Variants in TEX15 observed in about 807,000 individuals in gnomAD.
TEX15 encodes the protein testis expressed 15, meiosis and synapsis associated.
In TEX15, 171 loss-of-function variants were observed where a neutral mutation model predicts 237.3. The ratio of observed to expected loss-of-function variants is 0.72; its 90% CI spans 0.64 to 0.82. TEX15 has a LOEUF of 0.82. Among genes scored for constraint, TEX15 ranks in the 40% least tolerant of loss-of-function variants. The probability of loss-of-function intolerance (pLI) is 0.00; values close to 1 mark genes in which losing one functional copy is unlikely to be tolerated. For missense variants in TEX15, 3,750 were observed against 3,646.5 expected (o/e 1.03, Z -0.73); for synonymous variants, 1,338 against 1,269.8 (o/e 1.05, Z -1.14).
intron 5 of TEX15, among the ~76,000 whole-genome samples, chr8:30,860,314 T>C (rs1808019220): frequency 6.6e-6 from 1 of 151,814 alleles, no homozygotes; most frequent in Non-Finnish European, 1.5e-5. Context: ...GGTTTCACCA[T>C]GTTGCCCAAG....
At chr8:30,891,578 C>G (rs1043109226) in intron 2 of TEX15, among the ~76,000 whole-genome samples, 8 of 151,722 alleles carry the variant, frequency 5.3e-5, no homozygotes, top group Admixed American at 1.3e-4. Context: ...CTCCTGGGTT[C>G]AAGCGATTCT....
intron 2 of TEX15, among the ~76,000 whole-genome samples, chr8:30,895,882 T>C (rs1006638532): frequency 4.6e-5 from 7 of 151,990 alleles, no homozygotes; most frequent in Non-Finnish European, 7.4e-5. Context: ...GGTTTCACCA[T>C]GTTGGCCAGG....
At chr8:30,878,355 G>A (rs1808444159) in intron 3 of TEX15, among the ~76,000 whole-genome samples, 1 of 151,938 alleles carries the variant, frequency 6.6e-6, no homozygotes, top group East Asian at 1.9e-4. Context: ...GGGAAGGACG[G>A]CTGGATCATA....
intron 2 of TEX15, among the ~76,000 whole-genome samples, chr8:30,891,964 A>G (rs1457575384): frequency 6.6e-6 from 1 of 152,148 alleles, no homozygotes; most frequent in Non-Finnish European, 1.5e-5. Flanking sequence ...ACTTTTAAAA[A>G]TTGTATTTTC....
At chr8:30,901,082 G>C (rs918827561) in intron 1 of TEX15, among the ~76,000 whole-genome samples, 4 of 152,164 alleles carry the variant, frequency 2.6e-5, no homozygotes, top group Admixed American at 2.0e-4. Context: ...AGGCTGCAAT[G>C]AGCTGTGTTT....
intron 3 of TEX15, chr8:30,886,923 C>A (rs982548027): frequency 1.2e-5 from 4 of 322,892 alleles, no homozygotes; most frequent in Non-Finnish European, 2.2e-5. Flanking sequence ...TCTCCAGTTT[C>A]GAAAGTCTTT....
At chr8:30,905,095 A>G (rs2128779754) in intron 1 of TEX15, among the ~76,000 whole-genome samples, 1 of 152,290 alleles carries the variant, frequency 6.6e-6, no homozygotes, top group East Asian at 1.9e-4. Context: ...ATGAATTTTA[A>G]TATAACTTGT....
Position 30,848,539 on chromosome 8 carries a change from G to A in TEX15, c.1628C>T (p.Ser543Phe), listed in dbSNP as rs772305020. 3.7e-6 allele frequency: 6 copies of A among 1,614,120 alleles called. No homozygotes were observed. In the South Asian group the frequency reaches 6.6e-5, roughly 18 times the overall value. Reference protein sequence around the residue: ...KDQGNFSFPISVSNVVSEVEN... With the variant: ...KDQGNFSFPIFVSNVVSEVEN... ...AACCTCTGACACTACATTTGACACA[G>A]AAATTGGGAAGGAAAAATTACCTTG... The change falls in exon 8 of 11, where the codon TCT (serine) becomes TTT (phenylalanine). Residue 543 changes from serine to phenylalanine, a missense_variant. Transcript: ENST00000643185.
chr8:30,850,745 T>C (rs1488657047), intron 7 of TEX15, among the ~76,000 whole-genome samples: 1 of 152,160 alleles, frequency 6.6e-6, no homozygotes, highest in Non-Finnish European at 1.5e-5. Context: ...TTTTATAATC[T>C]TGGCATAGGA....
intron 4 of TEX15, among the ~76,000 whole-genome samples, chr8:30,867,983 T>C (rs954160627): frequency 2.0e-5 from 3 of 152,092 alleles, no homozygotes; most frequent in African/African-American, 4.8e-5. Flanking sequence ...AATTGTGTTA[T>C]GGAGGGAAAA....
chr8:30,835,247 G>C (rs1002916805), intron 10 of TEX15, among the ~76,000 whole-genome samples: 3 of 152,062 alleles, frequency 2.0e-5, no homozygotes, highest in African/African-American at 7.2e-5. Flanking sequence ...TGGGATTACA[G>C]GTGTGTACTA....
In TEX15 at chr8:30,847,842, T is replaced by C. The variant is rs1488106861; in HGVS notation, c.2325A>G (p.Lys775=). Residue 775 remains lysine (K), a synonymous_variant, in exon 8 of 11, where the codon AAA becomes AAG. Transcript: ENST00000643185. ...AAATAACTGTATCAATGAACATTTC[T>C]TTGGCCTGGGGTATGTCTTTTGGTT... ...FPKPKDIPQA[K]EMFIDTVISS... 2 of 1,613,834 alleles carry C rather than the reference T, an allele frequency of 1.2e-6. No individual in the cohort carries two copies. Among genetic ancestry groups the C allele is most frequent in the East Asian group, 2.2e-5 (1 of 44,878 alleles).
At chr8:30,904,952 T>G (rs1014407760) in intron 1 of TEX15, among the ~76,000 whole-genome samples, 1 of 152,210 alleles carries the variant, frequency 6.6e-6, no homozygotes, top group African/African-American at 2.4e-5. Flanking sequence ...AATTTCTAAA[T>G]GTATCTAATT....
At chr8:30,852,382 C>G (rs1382414401) in intron 7 of TEX15, among the ~76,000 whole-genome samples, 1 of 151,986 alleles carries the variant, frequency 6.6e-6, no homozygotes. Flanking sequence ...TGTGAGCCAC[C>G]GCGCCTGGCC....
chr8:30,904,030 G>C (rs376385910), intron 1 of TEX15, among the ~76,000 whole-genome samples: 1 of 151,588 alleles, frequency 6.6e-6, no homozygotes, highest in African/African-American at 2.4e-5. Flanking sequence ...AATCTATTAT[G>C]GTTATGAGGC....
chr8:30,868,966 G>A (rs1041098693), intron 4 of TEX15, among the ~76,000 whole-genome samples: 2 of 150,166 alleles, frequency 1.3e-5, no homozygotes, highest in African/African-American at 4.9e-5. Flanking sequence ...AATCTAATCC[G>A]GGGCTCAAAA....
chr8:30,886,361 G>T (rs576664915), intron 3 of TEX15, among the ~76,000 whole-genome samples: 112 of 152,276 alleles, frequency 7.4e-4, no homozygotes, highest in African/African-American at 2.1e-3. Flanking sequence ...GAAGGCCATG[G>T]TCCCCACTCA....
rs150878526 is a variant in TEX15 at position 30,848,299 on chromosome 8, T to C, written c.1868A>G (p.Asn623Ser). The C allele has an allele frequency of 2.4e-4, 393 of 1,613,142 alleles. No homozygotes were observed. The African/African-American group carries it at 3.9e-3, about 16-fold the overall frequency. ...EYLQNTGKMK[N>S]FADLEDSSKH... ...GGAACTGTCTTCCAGGTCAGCGAAG[T>C]TTTTCATCTTTCCAGTATTTTGAAG... Residue 623 changes from asparagine (N) to serine (S), a missense_variant, in exon 8 of 11, where the codon AAC becomes AGC. Transcript: ENST00000643185.
intron 7 of TEX15, among the ~76,000 whole-genome samples, chr8:30,852,254 C>A (rs183184910): frequency 1.3e-5 from 2 of 151,498 alleles, no homozygotes; most frequent in Admixed American, 6.6e-5. Context: ...TACAGGCGTC[C>A]GCCACCACGC....
Sources: allele counts gnomAD v4.1 joint callset (sites outside exome capture counted in the v4.1 genomes callset), GRCh38; gene constraint gnomAD v4.1.1; transcripts MANE v1.5; gene names NCBI Gene and HGNC (gene_info 2026-07-23, HGNC 2026-07-21).